Variants in PLXNC1 observed in about 807,000 individuals in gnomAD.
PLXNC1 encodes plexin C1, also known as plexin-C1.
PLXNC1 carries 75 observed loss-of-function variants against 178.2 expected under a neutral mutation model. The observed-to-expected ratio is 0.42, with a 90% CI of 0.35 to 0.51. PLXNC1 has a LOEUF of 0.51. Among genes scored for constraint, PLXNC1 ranks in the 20% least tolerant of loss-of-function variants. The pLI is 0.02. For synonymous variants in PLXNC1, 790 were observed against 779.9 expected (o/e 1.01, Z -0.22); for missense variants, 1,503 against 1,984.4 (o/e 0.76, Z 4.61).
intron 4 of PLXNC1, among the ~76,000 whole-genome samples, chr12:94,200,635 G>A (rs909834117): frequency 2.0e-5 from 3 of 152,174 alleles, no homozygotes; most frequent in Admixed American, 1.3e-4. Context: ...GTATATGGGA[G>A]AGCAGCTTTG....
chr12:94,166,450 C>G (rs1291613990), intron 1 of PLXNC1, among the ~76,000 whole-genome samples: 1 of 152,066 alleles, frequency 6.6e-6, no homozygotes, highest in Non-Finnish European at 1.5e-5. Context: ...GCTCTCTATG[C>G]TATACTGCCT....
chr12:94,181,674 CAG>C (rs957237089), intron 3 of PLXNC1, 94 bp downstream of exon 3: 4 of 1,149,036 alleles, frequency 3.5e-6, no homozygotes, highest in Non-Finnish European at 5.1e-6. Context: ...CTTTGAACTA[CAG>C]AGTTTAAGCA....
intron 30 of PLXNC1, 149 bp from the exon 31 acceptor site, chr12:94,305,032 C>T: frequency 1.7e-6 from 1 of 602,502 alleles, no homozygotes; most frequent in East Asian, 2.8e-5. Context: ...CTTAGCAAAA[C>T]AACTTGCAAA....
rs1309978688 is a variant in PLXNC1 at position 94,212,877 on chromosome 12, A to G, written c.1554+3173A>G. On this transcript the variant is annotated intron_variant, in intron 5 of 30. Transcript: ENST00000258526. ...TGGGACTACAGGCGCCCACCACTAC[A>G]CCCGGCTAATTTTTTGTATTTTTAG... Among the ~76,000 whole-genome samples the G allele has an allele frequency of 4.8e-5, 7 of 145,200 alleles. No individual in the cohort carries two copies. The South Asian group carries it at 8.8e-4, about 18-fold the overall frequency.
chr12:94,298,005 C>T (rs960016822), intron 26 of PLXNC1, among the ~76,000 whole-genome samples: 1 of 151,634 alleles, frequency 6.6e-6, no homozygotes, highest in Non-Finnish European at 1.5e-5. Flanking sequence ...ATGATGAGCA[C>T]TATAAATGCT....
At chr12:94,292,013 CGT>C (rs899435061) in intron 23 of PLXNC1, among the ~76,000 whole-genome samples, 7 of 152,152 alleles carry the variant, frequency 4.6e-5, no homozygotes, top group African/African-American at 1.7e-4. Context: ...GGCTTCTTCG[CGT>C]GTTTTTGCAG....
chr12:94,202,664 G>C (rs771723564), intron 4 of PLXNC1, among the ~76,000 whole-genome samples: 19 of 152,352 alleles, frequency 1.2e-4, no homozygotes, highest in East Asian at 7.7e-4. Flanking sequence ...GATGGCACAC[G>C]CTCGGGAGGG....
At chr12:94,300,875 C>T in intron 27 of PLXNC1, 35 bp from the exon 28 acceptor site, 1 of 1,587,470 alleles carries the variant, frequency 6.3e-7, no homozygotes, top group Non-Finnish European at 8.6e-7. Flanking sequence ...CATGAATGGC[C>T]CTATTTGAAA....
At chr12:94,158,332 C>T (rs1352128340) in intron 1 of PLXNC1, 1 of 152,212 alleles carries the variant, frequency 6.6e-6, no homozygotes, top group Non-Finnish European at 1.5e-5. Flanking sequence ...AGCAGCTCAC[C>T]AGGCTGCGGA....
intron 1 of PLXNC1, among the ~76,000 whole-genome samples, chr12:94,164,679 A>G (rs1961529032): frequency 8.2e-6 from 1 of 122,670 alleles, no homozygotes; most frequent in Non-Finnish European, 1.6e-5. Context: ...ACACACACAC[A>G]CACACACACA....
At chr12:94,212,737 T>C (rs1158160944) in intron 5 of PLXNC1, among the ~76,000 whole-genome samples, 2 of 150,176 alleles carry the variant, frequency 1.3e-5, no homozygotes, top group East Asian at 3.9e-4. Context: ...TTTTTTTTTT[T>C]GAGATGGAGT....
At chr12:94,171,807 C>T (rs1961855844) in intron 2 of PLXNC1, among the ~76,000 whole-genome samples, 1 of 152,140 alleles carries the variant, frequency 6.6e-6, no homozygotes. Context: ...GGCGTGGTAA[C>T]TTCTTGGGAA....
chr12:94,296,449 C>G (rs950874041), intron 24 of PLXNC1, among the ~76,000 whole-genome samples: 1 of 152,228 alleles, frequency 6.6e-6, no homozygotes, highest in Non-Finnish European at 1.5e-5. Flanking sequence ...ATGTGAGCCA[C>G]TGAGCCTCTC....
chr12:94,163,140 C>T (rs780808903), intron 1 of PLXNC1, among the ~76,000 whole-genome samples: 4 of 152,016 alleles, frequency 2.6e-5, no homozygotes, highest in South Asian at 2.1e-4. Flanking sequence ...CTAAGGTGGG[C>T]GGATCATGAG....
intron 6 of PLXNC1, 45 bp downstream of exon 6, chr12:94,220,208 A>C: frequency 5.0e-6 from 8 of 1,586,660 alleles, no homozygotes; most frequent in Non-Finnish European, 6.9e-6. Flanking sequence ...AATCAAAAAA[A>C]CAAGGGAACC....
At chr12:94,152,540 T>G (rs576050229) in intron 1 of PLXNC1, among the ~76,000 whole-genome samples, 2 of 152,320 alleles carry the variant, frequency 1.3e-5, no homozygotes, top group African/African-American at 4.8e-5. Context: ...TTTCAGGTCT[T>G]GAATGTGTTT....
intron 10 of PLXNC1, among the ~76,000 whole-genome samples, chr12:94,238,926 G>A (rs968252335): frequency 6.6e-6 from 1 of 152,048 alleles, no homozygotes; most frequent in African/African-American, 2.4e-5. Flanking sequence ...GTTTTTTTGT[G>A]CTGTTTATCC....
At chr12:94,196,922 G>T (rs968746487) in intron 4 of PLXNC1, among the ~76,000 whole-genome samples, 5 of 152,192 alleles carry the variant, frequency 3.3e-5, no homozygotes, top group Admixed American at 2.6e-4. Flanking sequence ...AAACTTGGCA[G>T]CTTAAAACAA....
At chr12:94,272,032 T>C (rs1175500) in intron 21 of PLXNC1, 31,677 of 152,170 alleles carry the variant, frequency 0.21, 4,337 homozygotes, top group South Asian at 0.3. Flanking sequence ...CGTGATAACC[T>C]GTGAGAGGCT....
Sources: allele counts gnomAD v4.1 joint callset (sites outside exome capture counted in the v4.1 genomes callset), GRCh38; gene constraint gnomAD v4.1.1; transcripts MANE v1.5; gene names NCBI Gene and HGNC (gene_info 2026-07-23, HGNC 2026-07-21).